Variants in ACOT1 observed in about 807,000 individuals in gnomAD.
ACOT1 encodes acyl-CoA thioesterase 1, also known as acyl-coenzyme A thioesterase 1.
A neutral mutation model predicts 15.7 loss-of-function variants in ACOT1; 8 were observed. The ratio of observed to expected loss-of-function variants is 0.51; its 90% CI spans 0.30 to 0.92. ACOT1 has a LOEUF of 0.92. Ranked by LOEUF, ACOT1 falls within the 40% of genes least tolerant of loss-of-function variation. The pLI, the probability that ACOT1 is intolerant of heterozygous loss-of-function variation, is 0.06. For synonymous variants in ACOT1, 67 were observed against 241.2 expected (o/e 0.28, Z 6.69); for missense variants, 151 against 539.4 (o/e 0.28, Z 7.13).
chr14:73,523,787 C>T, the ACOT1 span, among the ~76,000 whole-genome samples: 14 of 152,180 alleles, frequency 9.2e-5, no homozygotes, highest in Non-Finnish European at 1.9e-4. Context: ...ATAACTCTTT[C>T]TTGACCTATC....
chr14:73,522,457 C>G, the ACOT1 span: 1 of 1,614,248 alleles, frequency 6.2e-7, no homozygotes, highest in South Asian at 1.1e-5. Context: ...AGCTCTGCCA[C>G]TTGTTGGGGG....
the ACOT1 span, chr14:73,491,065 G>A: frequency 7.5e-6 from 12 of 1,593,898 alleles, no homozygotes; most frequent in African/African-American, 1.4e-5. Context: ...GCGGGCGGCC[G>A]AAGCGCCGGC....
At chr14:73,520,999 T>G in the ACOT1 span, 1 of 1,613,640 alleles carries the variant, frequency 6.2e-7, no homozygotes, top group Non-Finnish European at 8.5e-7. Flanking sequence ...TTGCCAGGCA[T>G]GATCTCAACT....
the ACOT1 span, chr14:73,495,521 T>C: frequency 2.9e-6 from 2 of 685,172 alleles, no homozygotes; most frequent in Non-Finnish European, 4.8e-6. Flanking sequence ...AGTTCAAGGC[T>C]ACAGTGAGCT....
intron 1 of ACOT1, among the ~76,000 whole-genome samples, chr14:73,540,358 G>T (rs1342413110): frequency 7.2e-6 from 1 of 139,074 alleles, no homozygotes; most frequent in Admixed American, 7.6e-5. Context: ...TTAATAAATT[G>T]AGGTATATTT....
the ACOT1 span, chr14:73,498,379 C>T: frequency 2.6e-6 from 4 of 1,526,936 alleles, no homozygotes; most frequent in South Asian, 1.2e-5. Context: ...TCACTGAAGA[C>T]TGAGCTTACT....
the ACOT1 span, among the ~76,000 whole-genome samples, chr14:73,529,354 CAAAAAAAAA>C: frequency 1.7e-4 from 15 of 87,454 alleles, no homozygotes; most frequent in Non-Finnish European, 3.2e-4. Context: ...GACTCTGTCT[CAAAAAAAAA>C]AAAAAAAAAA....
chr14:73,523,095 GC>G, the ACOT1 span: 1 of 1,611,262 alleles, frequency 6.2e-7, no homozygotes, highest in Non-Finnish European at 8.5e-7. Flanking sequence ...AGTCGTGGGG[GC>G]AGTGACTGAT....
the ACOT1 span, among the ~76,000 whole-genome samples, chr14:73,517,817 G>C: frequency 1.3e-5 from 2 of 151,808 alleles, no homozygotes; most frequent in South Asian, 2.1e-4. Flanking sequence ...GGCTGGACAC[G>C]GTGGCTCACG....
the ACOT1 span, chr14:73,491,851 C>T: frequency 1.1e-5 from 17 of 1,609,832 alleles, no homozygotes; most frequent in African/African-American, 6.7e-5. Context: ...TGAACCCACC[C>T]GGCCGCGCGC....
intron 1 of ACOT1, 76 bp downstream of exon 1, chr14:73,537,954 C>A: frequency 9.7e-7 from 1 of 1,031,070 alleles, no homozygotes. Context: ...TGTGTGTGTC[C>A]CCTTCGCCCC....
chr14:73,504,343 C>T, the ACOT1 span, among the ~76,000 whole-genome samples: 4 of 151,968 alleles, frequency 2.6e-5, no homozygotes, highest in African/African-American at 9.6e-5. Context: ...CCTGGGATCA[C>T]GCCATTCTCC....
Position 73,537,792 on chromosome 14 carries a change from GGCACGA to G in ACOT1, c.374_379del (p.His125_Glu126del). 2 of 1,225,154 alleles carry G rather than the reference GGCACGA, an allele frequency of 1.6e-6. No individual in the cohort carries two copies. Among genetic ancestry groups the G allele is most frequent in the Non-Finnish European group, 2.2e-6 (2 of 929,992 alleles). The allele number at this position is 1,225,154 out of a possible 1,614,324, so 75.9% of individuals were successfully genotyped here. A position where few individuals can be genotyped will look rare whatever the true frequency, so the allele number is the denominator to read the frequency against. On this transcript the variant is annotated inframe_deletion, in exon 1 of 3. Coordinates refer to ENST00000311148, the MANE Select transcript of ACOT1 (RefSeq NM_001037161.2). ...CCCGGGCGGCTGCTGTGCCGGGTGCGGCACGAGCGCTACTTCCTCCCGCCCGGGGTG... is the reference window on the plus strand; with the variant it reads ...CCCGGGCGGCTGCTGTGCCGGGTGCGGCGCTACTTCCTCCCGCCCGGGGTG...
the ACOT1 span, chr14:73,491,787 A>T: frequency 6.3e-7 from 1 of 1,584,254 alleles, no homozygotes; most frequent in Non-Finnish European, 8.6e-7. Flanking sequence ...GAGGAGGTGC[A>T]GTTCGGCCAG....
the ACOT1 span, chr14:73,495,282 T>C: frequency 1.9e-6 from 3 of 1,613,978 alleles, no homozygotes; most frequent in African/African-American, 4.0e-5. Flanking sequence ...TGTTCTCCTT[T>C]GGGTTTCAAG....
At chr14:73,501,972 C>G in the ACOT1 span, among the ~76,000 whole-genome samples, 1 of 151,592 alleles carries the variant, frequency 6.6e-6, no homozygotes, top group African/African-American at 2.4e-5. Flanking sequence ...GTCTCGATCT[C>G]CTGACCTTGT....
At chr14:73,529,547 T>C in the ACOT1 span, among the ~76,000 whole-genome samples, 17 of 151,958 alleles carry the variant, frequency 1.1e-4, no homozygotes, top group Admixed American at 4.6e-4. Flanking sequence ...AACTAGAAAA[T>C]GTAGGAGTTG....
At chr14:73,506,893 C>T in the ACOT1 span, among the ~76,000 whole-genome samples, 9 of 148,022 alleles carry the variant, frequency 6.1e-5, no homozygotes, top group Admixed American at 1.4e-4. Context: ...CTCCGCCTCT[C>T]GGGTTCAAGT....
the ACOT1 span, chr14:73,492,277 G>A: frequency 6.2e-7 from 1 of 1,613,890 alleles, no homozygotes; most frequent in South Asian, 1.1e-5. This position sits in a 1 kb window ranked among gnomAD's most constrained non-coding sequence, Gnocchi z 4.9. Context: ...ACCTCACCTT[G>A]TCCACGTACC....
Sources: allele counts gnomAD v4.1 joint callset (sites outside exome capture counted in the v4.1 genomes callset), GRCh38; gene constraint gnomAD v4.1.1; non-coding constraint Gnocchi (gnomAD v3.1); transcripts MANE v1.5; gene names NCBI Gene and HGNC (gene_info 2026-07-23, HGNC 2026-07-21).